RREB1: variants seen among roughly 807,000 people sequenced by gnomAD.
RREB1 encodes the protein ras-responsive element-binding protein 1.
Under a neutral mutation model 117.8 loss-of-function variants are expected in RREB1, and 27 were observed. The observed-to-expected ratio is 0.23, with a 90% CI of 0.17 to 0.32. The LOEUF is 0.32. RREB1 is among the 10% of genes least tolerant of loss of function. The pLI is 1.00. For missense variants in RREB1, 2,577 were observed against 2,378.2 expected (o/e 1.08, Z -1.74); for synonymous variants, 1,298 against 1,026.7 (o/e 1.26, Z -5.05).
In RREB1 at chr6:7,172,717, G is replaced by C. The variant is rs555353018; in HGVS notation, c.-284-3938G>C. Among the ~76,000 whole-genome samples the C allele has an allele frequency of 3.2e-4, 48 of 151,716 alleles. 1 individual carries two copies. In the South Asian group the frequency reaches 9.5e-3, roughly 30 times the overall value. On this transcript the variant is annotated intron_variant, in intron 1 of 12. Transcript: ENST00000379938. ...GGGGGGGTGGGGGTGACTTTCTTGG[G>C]TTGCCGCCCTATCCAAGGCATAGCC... is the stretch of plus-strand genomic sequence containing the variant.
intron 11 of RREB1, among the ~76,000 whole-genome samples, chr6:7,241,307 C>A (rs1561805531): frequency 6.6e-6 from 1 of 152,128 alleles, no homozygotes; most frequent in Non-Finnish European, 1.5e-5. Flanking sequence ...TCTATCAGTA[C>A]ACTCCATCCG....
intron 6 of RREB1, among the ~76,000 whole-genome samples, chr6:7,190,392 G>T (rs1215015211): frequency 1.3e-5 from 2 of 152,128 alleles, no homozygotes; most frequent in Non-Finnish European, 2.9e-5. Flanking sequence ...AATTAGTTTA[G>T]CACACAGTTC....
At chr6:7,248,410 C>T (rs910576899) in intron 12 of RREB1, 101 bp from the exon 13 acceptor site, 1 of 1,012,164 alleles carries the variant, frequency 9.9e-7, no homozygotes, top group Non-Finnish European at 1.5e-6. Flanking sequence ...GTCCTGGCCC[C>T]CCGCACATAG....
intron 1 of RREB1, among the ~76,000 whole-genome samples, chr6:7,156,659 GTTTA>G (rs1217740022): frequency 1.3e-5 from 2 of 152,196 alleles, no homozygotes. Context: ...GAATCCACTT[GTTTA>G]TTCTTGAGGA....
At chr6:7,218,734 C>G (rs1165464329) in intron 8 of RREB1, 1 of 150,780 alleles carries the variant, frequency 6.6e-6, no homozygotes, top group Non-Finnish European at 1.5e-5. Flanking sequence ...TTTACCATTA[C>G]TCCCTCTAGA....
chr6:7,119,842 C>T, intron 1 of RREB1, among the ~76,000 whole-genome samples: 1 of 152,116 alleles, frequency 6.6e-6, no homozygotes, highest in Non-Finnish European at 1.5e-5. Context: ...AGTTAGAACG[C>T]TAGTTTTTGA....
rs1348367853 is a variant in RREB1 at position 7,211,806 on chromosome 6, T to C, written c.707+97T>C. 1.2e-5 allele frequency: 16 copies of C among 1,319,210 alleles called. No individual in the cohort carries two copies. In the East Asian group the frequency reaches 3.1e-4, roughly 26 times the overall value. 81.7% of individuals were successfully genotyped at this position (1,319,210 alleles called of 1,614,324 possible). On this transcript the variant is annotated intron_variant, in intron 8 of 12. Transcript: ENST00000379938. ...GTTACTCCACACCGGGCTCCAGTGATTGAACTTGGGCACAACAACATTAGG... is the reference window on the plus strand; with the variant it reads ...GTTACTCCACACCGGGCTCCAGTGACTGAACTTGGGCACAACAACATTAGG...
In RREB1 at chr6:7,229,801, G is replaced by T; in HGVS notation, c.1702G>T (p.Gly568Trp). The T allele has an allele frequency of 1.2e-6, 2 of 1,610,546 alleles. No individual in the cohort carries two copies. The highest frequency in any genetic ancestry group is 8.5e-7 in the Non-Finnish European group (1 of 1,178,540). Reference protein sequence around the residue: ...SNAHLLQSKSGTQPHAATRLS... With the variant: ...SNAHLLQSKSWTQPHAATRLS... ...CGCCCACCTGCTGCAGTCCAAGTCC[G>T]GGACCCAGCCCCACGCGGCCACGCG... The change falls in exon 10 of 13, where the codon GGG becomes TGG. Residue 568 changes from glycine (G) to tryptophan (W), a missense_variant. Gly to Trp is a radical substitution (Grantham distance 184, BLOSUM62 -2). Transcript: ENST00000379938. The surrounding 1 kb of genome is among the most constrained non-coding windows in gnomAD (Gnocchi z 4.5).
At position 7,226,502 on chromosome 6, in the gene RREB1, G is replaced by A. The variant is rs778338994; in HGVS notation, c.743G>A (p.Arg248Gln). 5 of 1,613,646 alleles carry A rather than the reference G, an allele frequency of 3.1e-6. No homozygotes were observed. The highest frequency in any genetic ancestry group is 2.2e-5 in the East Asian group (1 of 44,862). The change falls in exon 9 of 13, where the codon CGA becomes CAA. Residue 248 changes from arginine to glutamine, a missense_variant. By Grantham distance (43) the Arg-to-Gln change is conservative. Transcript: ENST00000379938. The part of the protein sequence containing the change: ...DICCVTFRTH[R>Q]GLLRHNALVH... ...TGTTGTGTCACCTTTCGAACACATCGAGGACTGCTGCGTCACAACGCGCTT... is the reference window on the plus strand; with the variant it reads ...TGTTGTGTCACCTTTCGAACACATCAAGGACTGCTGCGTCACAACGCGCTT...
chr6:7,244,425 A>G (rs1469201218), intron 11 of RREB1, among the ~76,000 whole-genome samples: 1 of 152,184 alleles, frequency 6.6e-6, no homozygotes, highest in Non-Finnish European at 1.5e-5. Context: ...GAAATTACCC[A>G]CAAAGCCAGC....
At chr6:7,232,032 G>A (rs753403258) in intron 10 of RREB1, 125 bp downstream of exon 10, 56 of 986,290 alleles carry the variant, frequency 5.7e-5, no homozygotes, top group Middle Eastern at 3.1e-4. Context: ...CTTCTTCCCC[G>A]GTCTCCGAAG....
At position 7,125,437 on chromosome 6, in the gene RREB1, G is replaced by A. The variant is rs921061209; in HGVS notation, c.-285+17377G>A. ...CTCCAGGCTTCTGCTAGTCCTCCATGTGGTTAATGGGGGGGCCTCTCCTGT... is the reference window on the plus strand; with the variant it reads ...CTCCAGGCTTCTGCTAGTCCTCCATATGGTTAATGGGGGGGCCTCTCCTGT... On this transcript the variant is annotated intron_variant, in intron 1 of 12. Coordinates refer to ENST00000379938, the MANE Select transcript of RREB1 (RefSeq NM_001003699.4). Among the ~76,000 whole-genome samples, 3 of 152,210 alleles carry A rather than the reference G, an allele frequency of 2.0e-5. No individual in the cohort carries two copies. The South Asian group carries it at 6.2e-4, about 31-fold the overall frequency.
chr6:7,179,974 T>TA (rs1764707867), intron 2 of RREB1, among the ~76,000 whole-genome samples: 1 of 152,056 alleles, frequency 6.6e-6, no homozygotes, highest in South Asian at 2.1e-4. Context: ...CTTCATAAAT[T>TA]TAAAGGGTCT....
chr6:7,249,560 G>A lies in RREB1; in HGVS notation c.*592G>A, dbSNP rs1156542406. ...CTGTCATCTGGTCCTTGGTATTACA[G>A]GATGTGGTTGATGAAGGTTTCCAAT... On this transcript the variant is annotated 3_prime_UTR_variant, in exon 13 of 13. Coordinates refer to ENST00000379938, the MANE Select transcript of RREB1 (RefSeq NM_001003699.4). 6.6e-6 allele frequency: 1 copy of A among 152,418 alleles called. No individual in the cohort carries two copies. The highest frequency in any genetic ancestry group is 2.4e-5 in the African/African-American group (1 of 41,432). 9.4% of individuals were successfully genotyped at this position (152,418 alleles called of 1,614,324 possible).
At chr6:7,125,454 C>CT (rs1395407728) in intron 1 of RREB1, among the ~76,000 whole-genome samples, 1 of 152,192 alleles carries the variant, frequency 6.6e-6, no homozygotes, top group East Asian at 1.9e-4. Flanking sequence ...ATGGGGGGGC[C>CT]TCTCCTGTCT....
rs370902132 is a variant in RREB1 at position 7,247,232 on chromosome 6, C to G, written c.4771+11C>G. On this transcript the variant is annotated intron_variant, in intron 12 of 12. Transcript: ENST00000379938. ...TGCGCTCCCACACAGGTAACCAGGG[C>G]AGGCCAGGTCCCCGGCCCAACAAGA... The G allele has an allele frequency of 1.9e-6, 3 of 1,603,652 alleles. No homozygotes were observed. The East Asian group carries it at 6.7e-5, about 36-fold the overall frequency.
chr6:7,230,964 A>G lies in RREB1; in HGVS notation c.2865A>G (p.Glu955=), dbSNP rs780909203. Residue 955 remains glutamate (E), a synonymous_variant, in exon 10 of 13, where the codon GAA becomes GAG. Transcript: ENST00000379938. ...KGDKDLATPS[E]AKKPEEEAGS... ...ACAAGGATTTGGCCACTCCCAGCGAAGCCAAGAAGCCTGAGGAGGAGGCGG... is the reference window on the plus strand; with the variant it reads ...ACAAGGATTTGGCCACTCCCAGCGAGGCCAAGAAGCCTGAGGAGGAGGCGG... 13 of 1,613,974 alleles carry G rather than the reference A, an allele frequency of 8.1e-6. No individual in the cohort carries two copies. The highest frequency in any genetic ancestry group is 6.6e-5 in the South Asian group (6 of 91,072).
chr6:7,167,644 T>A (rs906435199), intron 1 of RREB1, among the ~76,000 whole-genome samples: 2 of 152,174 alleles, frequency 1.3e-5, no homozygotes, highest in African/African-American at 4.8e-5. Context: ...GACAGGAATT[T>A]TTTTAGAAGA....
intron 10 of RREB1, among the ~76,000 whole-genome samples, chr6:7,240,109 G>A (rs1214620203): frequency 6.6e-6 from 1 of 152,140 alleles, no homozygotes; most frequent in African/African-American, 2.4e-5. Context: ...TTCTTGCTGT[G>A]CTCTAAAATC....
Sources: gnomAD v4.1 joint callset for allele counts (sites outside exome capture counted in the v4.1 genomes callset) on GRCh38, gnomAD v4.1.1 for gene constraint, Gnocchi (gnomAD v3.1) non-coding constraint, MANE v1.5 for transcripts, NCBI Gene and HGNC (gene_info 2026-07-23, HGNC 2026-07-21) for gene names.